IRGM: variants seen among roughly 807,000 people sequenced by gnomAD.
The protein encoded by IRGM is immunity-related GTPase family M protein.
For missense variants in IRGM, 288 were observed against 219.9 expected, an observed-to-expected ratio of 1.31 and a Z score of -1.96; for synonymous variants, 98 against 80.6, an observed-to-expected ratio of 1.22 and a Z score of -1.16.
chr5:150,899,553 A>C (rs1055512683), intron 3 of IRGM, among the ~76,000 whole-genome samples: 6 of 152,102 alleles, frequency 3.9e-5, no homozygotes, highest in African/African-American at 1.2e-4. Flanking sequence ...TATACATACA[A>C]TAGTTAGTAA....
intron 3 of IRGM, chr5:150,894,464 C>T (rs1754678893): frequency 6.6e-6 from 1 of 152,130 alleles, no homozygotes. Flanking sequence ...AAAAACACAA[C>T]CTTAACATAG....
At chr5:150,870,485 A>G (rs1754267537) in intron 1 of IRGM, among the ~76,000 whole-genome samples, 1 of 151,396 alleles carries the variant, frequency 6.6e-6, no homozygotes, top group African/African-American at 2.4e-5. Flanking sequence ...ATCAAGATCT[A>G]AATTTTATTT....
downstream of IRGM, among the ~76,000 whole-genome samples, chr5:150,850,699 A>G (rs1753962202): frequency 6.6e-6 from 1 of 152,144 alleles, no homozygotes; most frequent in African/African-American, 2.4e-5. Flanking sequence ...GACCACAAGC[A>G]CATACTTATT....
intron 3 of IRGM, among the ~76,000 whole-genome samples, chr5:150,891,105 GTGAAGCTC>G (rs536615080): frequency 9.9e-5 from 15 of 152,060 alleles, no homozygotes; most frequent in Non-Finnish European, 2.1e-4. Flanking sequence ...TTCATGTATG[GTGAAGCTC>G]TGCTATTAAG....
intron 3 of IRGM, chr5:150,896,713 C>T: frequency 1.2e-6 from 2 of 1,613,494 alleles, no homozygotes; most frequent in East Asian, 4.5e-5. Flanking sequence ...ATATCTGTTT[C>T]TATGCACTCT....
intron 3 of IRGM, among the ~76,000 whole-genome samples, chr5:150,886,946 C>A (rs1463240286): frequency 6.6e-6 from 1 of 151,806 alleles, no homozygotes; most frequent in Non-Finnish European, 1.5e-5. Flanking sequence ...CTTTTGATAG[C>A]TTTGGAGTGG....
chr5:150,848,263 C>T lies in IRGM; in HGVS notation c.140C>T (p.Ser47Phe). The T allele has an allele frequency of 1.3e-6, 2 of 1,551,770 alleles. No homozygotes were observed. Among genetic ancestry groups the T allele is most frequent in the African/African-American group, 1.4e-5 (1 of 73,144 alleles). Residue 47 changes from serine to phenylalanine, a missense_variant, in exon 2 of 2, where the codon TCC becomes TTC. Coordinates refer to ENST00000522154, the MANE Select transcript of IRGM (RefSeq NM_001145805.2). The part of the protein sequence containing the change: ...TMAGDSGNGM[S>F]TFISALRNTG... Reference sequence around the variant, plus strand: ...GCAGGGGACTCTGGCAATGGGATGTCCACCTTCATCAGTGCCCTTCGAAAC... The same window carrying T: ...GCAGGGGACTCTGGCAATGGGATGTTCACCTTCATCAGTGCCCTTCGAAAC...
chr5:150,861,253 T>C (rs1054037541), intron 1 of IRGM, among the ~76,000 whole-genome samples: 2 of 152,230 alleles, frequency 1.3e-5, no homozygotes, highest in African/African-American at 4.8e-5. Flanking sequence ...AGCCCTTTTG[T>C]ACTCCCTCAT....
intron 1 of IRGM, among the ~76,000 whole-genome samples, chr5:150,865,153 G>C (rs1754189258): frequency 6.6e-6 from 1 of 152,190 alleles, no homozygotes; most frequent in Non-Finnish European, 1.5e-5. Context: ...CTTCTGACCA[G>C]TAAGCGTTAA....
At chr5:150,853,825 A>C (rs1754010141) in intron 1 of IRGM, among the ~76,000 whole-genome samples, 1 of 152,074 alleles carries the variant, frequency 6.6e-6, no homozygotes, top group Non-Finnish European at 1.5e-5. Flanking sequence ...GAATCCGTAA[A>C]GTATCTATAA....
intron 3 of IRGM, among the ~76,000 whole-genome samples, chr5:150,899,177 T>C (rs1454906831): frequency 3.9e-5 from 6 of 152,100 alleles, no homozygotes; most frequent in African/African-American, 1.2e-4. Context: ...TTTGGACTTC[T>C]AGCCTCCAGA....
At chr5:150,861,983 C>T (rs755483171) in intron 1 of IRGM, among the ~76,000 whole-genome samples, 3 of 152,040 alleles carry the variant, frequency 2.0e-5, no homozygotes, top group Non-Finnish European at 4.4e-5. Context: ...GATGAGAAGC[C>T]CAGGTACAAT....
At chr5:150,884,973 G>C (rs368088948) in intron 3 of IRGM, among the ~76,000 whole-genome samples, 2 of 151,996 alleles carry the variant, frequency 1.3e-5, no homozygotes, top group African/African-American at 4.8e-5. Flanking sequence ...TGGTGTTTTT[G>C]TCATTAAATC....
intron 1 of IRGM, among the ~76,000 whole-genome samples, chr5:150,874,644 G>T (rs1358621809): frequency 6.6e-6 from 1 of 152,184 alleles, no homozygotes; most frequent in Non-Finnish European, 1.5e-5. Flanking sequence ...ACAGGAGAAG[G>T]CTCTGCAACA....
chr5:150,864,331 A>T (rs566650125), intron 1 of IRGM, among the ~76,000 whole-genome samples: 2 of 152,016 alleles, frequency 1.3e-5, no homozygotes, highest in African/African-American at 4.8e-5. Context: ...ATTAAAATTA[A>T]TTTTTCCCAT....
At chr5:150,901,439 A>C (rs557141835), downstream of IRGM, among the ~76,000 whole-genome samples, 1 of 152,248 alleles carries the variant, frequency 6.6e-6, no homozygotes, top group African/African-American at 2.4e-5. Flanking sequence ...CAGACTAGCC[A>C]ATTTCAAGTG....
chr5:150,890,626 C>T (rs188958959), intron 3 of IRGM, among the ~76,000 whole-genome samples: 234 of 152,068 alleles, frequency 1.5e-3, no homozygotes, highest in Middle Eastern at 3.4e-3. Context: ...AACTACTTTA[C>T]GGACATTTCA....
intron 3 of IRGM, chr5:150,895,644 T>A (rs1266995281): frequency 6.2e-7 from 1 of 1,613,142 alleles, no homozygotes; most frequent in Non-Finnish European, 8.5e-7. Context: ...GTGGGACTTC[T>A]GAGAGAAGGC....
In IRGM at chr5:150,873,165, G is replaced by A. The variant is rs190173731; in HGVS notation, c.159-4815G>A. On this transcript the variant is annotated intron_variant and NMD_transcript_variant, in intron 1 of 3. Transcript: ENST00000520549. ...ATAGTCTGACTCATGTAGAGCTCTG[G>A]CATTGGCTAATTAATCACAGTGTTC... is the stretch of plus-strand genomic sequence containing the variant. 2.0e-5 allele frequency among the ~76,000 whole-genome samples: 3 copies of A among 152,316 alleles called. No individual in the cohort carries two copies. The East Asian group carries it at 5.8e-4, about 29-fold the overall frequency.
Sources: gnomAD v4.1 joint callset for allele counts (sites outside exome capture counted in the v4.1 genomes callset) on GRCh38, gnomAD v4.1.1 for gene constraint, MANE v1.5 for transcripts, NCBI Gene and HGNC (gene_info 2026-07-23, HGNC 2026-07-21) for gene names.